Variants in ESCO1 observed in about 807,000 individuals in gnomAD.
ESCO1 encodes establishment of sister chromatid cohesion N-acetyltransferase 1, also known as N-acetyltransferase ESCO1.
ESCO1 carries 33 observed loss-of-function variants against 83.5 expected under a neutral mutation model. That is an observed-to-expected ratio of 0.40 (90% CI 0.30 to 0.53). The LOEUF (loss-of-function observed/expected upper bound fraction) is 0.53, where lower values mean the gene tolerates loss of function less well. Among genes scored for constraint, ESCO1 ranks in the 20% least tolerant of loss-of-function variants. The pLI is 0.63. For missense variants in ESCO1, 855 were observed against 968.0 expected, an observed-to-expected ratio of 0.88 and a Z score of 1.55; for synonymous variants, 332 against 324.3, an observed-to-expected ratio of 1.02 and a Z score of -0.25.
At chr18:21,573,010 T>C (rs944687672) in intron 4 of ESCO1, among the ~76,000 whole-genome samples, 7 of 150,954 alleles carry the variant, frequency 4.6e-5, no homozygotes, top group African/African-American at 1.7e-4. Context: ...TCTATGGTTA[T>C]AATTAACAGA....
At chr18:21,583,383 C>A (rs1186482936) in intron 2 of ESCO1, among the ~76,000 whole-genome samples, 2 of 151,988 alleles carry the variant, frequency 1.3e-5, no homozygotes, top group African/African-American at 2.4e-5. Context: ...GTGGCTCACA[C>A]CTGTAATCCC....
intron 2 of ESCO1, among the ~76,000 whole-genome samples, chr18:21,577,816 A>C (rs914713966): frequency 6.6e-6 from 1 of 152,158 alleles, no homozygotes; most frequent in African/African-American, 2.4e-5. Context: ...CTGACAACAG[A>C]AGGAATAAAT....
intron 6 of ESCO1, 64 bp downstream of exon 6, chr18:21,566,082 A>G (rs1390591932): frequency 6.9e-7 from 1 of 1,440,822 alleles, no homozygotes; most frequent in African/African-American, 1.4e-5. Context: ...TTAGGGAAGA[A>G]TCCCCTAAAC....
chr18:21,531,257 C>T (rs181746357), intron 11 of ESCO1, among the ~76,000 whole-genome samples: 52 of 151,336 alleles, frequency 3.4e-4, no homozygotes, highest in Non-Finnish European at 6.2e-4. Context: ...GCCCAGGCGA[C>T]ATAGCAAGAC....
rs557982752 is a variant in ESCO1 at position 21,536,320 on chromosome 18, T to G, written c.2044-135A>C. On this transcript the variant is annotated intron_variant, in intron 9 of 11. Transcript: ENST00000269214. ...AAGAGTTCTTTTGGGCTGGGTGTGG[T>G]GGTTCACACCTGTAATCCTACCACT... 23 of 1,003,536 alleles carry G rather than the reference T, an allele frequency of 2.3e-5. No individual in the cohort carries two copies. The South Asian group carries it at 4.0e-4, about 18-fold the overall frequency. 62.2% of individuals were successfully genotyped at this position (1,003,536 alleles called of 1,614,324 possible).
chr18:21,575,911 A>C, intron 2 of ESCO1, 134 bp from the exon 3 acceptor site: 10 of 391,294 alleles, frequency 2.6e-5, no homozygotes, highest in East Asian at 7.3e-5. Flanking sequence ...CTCAAAGCTC[A>C]TATTACACGT....
chr18:21,595,919 A>C (rs1422255296), intron 1 of ESCO1, among the ~76,000 whole-genome samples: 1 of 151,760 alleles, frequency 6.6e-6, no homozygotes, highest in Non-Finnish European at 1.5e-5. Flanking sequence ...AGCGGAGATC[A>C]CGCCACTGCA....
At position 21,564,089 on chromosome 18, in the gene ESCO1, A is replaced by ATTTTC. The variant is rs1404250763; in HGVS notation, c.1821+113_1821+114insGAAAA. 8.3e-6 allele frequency: 6 copies of ATTTTC among 723,068 alleles called. No homozygotes were observed. In the African/African-American group the frequency reaches 1.1e-4, roughly 13 times the overall value. The allele number at this position is 723,068 out of a possible 1,614,324, so 44.8% of individuals were successfully genotyped here. A position where few individuals can be genotyped will look rare whatever the true frequency, so the allele number is the denominator to read the frequency against. ...GTCAGGCCATAGAACCACAAGCCAA[A>ATTTTC]TAAACCTCTTTTCTATAAAAATTAC... On this transcript the variant is annotated intron_variant, in intron 7 of 11. Coordinates refer to ENST00000269214, the MANE Select transcript of ESCO1 (RefSeq NM_052911.3).
At chr18:21,584,941 A>C (rs2038553042) in intron 1 of ESCO1, among the ~76,000 whole-genome samples, 1 of 152,102 alleles carries the variant, frequency 6.6e-6, no homozygotes, top group Non-Finnish European at 1.5e-5. Flanking sequence ...TCAGTTCAAG[A>C]CCAGCATGGC....
intron 6 of ESCO1, among the ~76,000 whole-genome samples, chr18:21,565,213 C>T (rs1362824519): frequency 6.6e-6 from 1 of 152,168 alleles, no homozygotes; most frequent in Non-Finnish European, 1.5e-5. Context: ...TTTGAATATG[C>T]TTTTAAGTTT....
intron 8 of ESCO1, among the ~76,000 whole-genome samples, chr18:21,559,047 G>GCC (rs1336799523): frequency 3.9e-5 from 6 of 152,178 alleles, no homozygotes; most frequent in Admixed American, 6.5e-5. Context: ...AGTGATCATA[G>GCC]CAGAACAGCT....
rs1399529262 is a variant in ESCO1, at chr18:21,574,046, A to G, written c.798T>C (p.Val266=). 1 of 1,612,932 alleles carries G rather than the reference A, an allele frequency of 6.2e-7. No homozygotes were observed. Residue 266 remains valine, a synonymous_variant, in exon 4 of 12, where the codon GTT becomes GTC. Coordinates refer to ENST00000269214, the MANE Select transcript of ESCO1 (RefSeq NM_052911.3). ...VPKKNEMKKS[V]HTQVNTNTTL... Reference sequence around the variant, plus strand: ...TTGTGTTAGTATTCACTTGTGTATGAACCGACTTCTTCATCTCATTCTTTT... The same window carrying G: ...TTGTGTTAGTATTCACTTGTGTATGGACCGACTTCTTCATCTCATTCTTTT...
intron 9 of ESCO1, among the ~76,000 whole-genome samples, 162 bp from the exon 10 acceptor site, chr18:21,536,347 T>C (rs2037836876): frequency 6.6e-6 from 1 of 152,168 alleles, no homozygotes; most frequent in Admixed American, 6.5e-5. Context: ...CCTACCACTT[T>C]AGGAGGCCAA....
At chr18:21,594,207 TACAGGA>T (rs1292359963) in intron 1 of ESCO1, among the ~76,000 whole-genome samples, 3 of 152,178 alleles carry the variant, frequency 2.0e-5, no homozygotes, top group African/African-American at 7.2e-5. Flanking sequence ...AATTAGGAAT[TACAGGA>T]TACCTGCTGC....
intron 7 of ESCO1, 74 bp downstream of exon 7, chr18:21,564,128 CG>C (rs1568102339): frequency 3.2e-6 from 3 of 950,006 alleles, no homozygotes. Flanking sequence ...CCTCAGATAT[CG>C]TATTATAGCA....
intron 2 of ESCO1, among the ~76,000 whole-genome samples, chr18:21,578,470 C>T (rs1185406659): frequency 6.6e-6 from 1 of 151,874 alleles, no homozygotes; most frequent in East Asian, 1.9e-4. Context: ...TTAACTGGAC[C>T]TTTCAGAGAA....
At chr18:21,587,463 G>T (rs1443401176) in intron 1 of ESCO1, among the ~76,000 whole-genome samples, 1 of 152,084 alleles carries the variant, frequency 6.6e-6, no homozygotes, top group Non-Finnish European at 1.5e-5. Context: ...ATTTCTTCTT[G>T]AGTCAGTTTA....
intron 3 of ESCO1, 101 bp from the exon 4 acceptor site, chr18:21,575,531 C>T: frequency 2.5e-6 from 1 of 398,164 alleles, no homozygotes. Context: ...AAATCTAACT[C>T]CTCCTTTTGA....
At chr18:21,598,708 A>AG (rs1297357403) in intron 1 of ESCO1, among the ~76,000 whole-genome samples, 1 of 152,174 alleles carries the variant, frequency 6.6e-6, no homozygotes, top group Non-Finnish European at 1.5e-5. Context: ...TCTCAAAAAA[A>AG]AAAAACAAAC....
Sources: allele counts gnomAD v4.1 joint callset (sites outside exome capture counted in the v4.1 genomes callset), GRCh38; gene constraint gnomAD v4.1.1; transcripts MANE v1.5; gene names NCBI Gene and HGNC (gene_info 2026-07-23, HGNC 2026-07-21).